The following MMP20 variants were observed in gnomAD, a reference collection of about 807,000 sequenced individuals.
MMP20 encodes matrix metallopeptidase 20.
A neutral mutation model predicts 51.8 loss-of-function variants in MMP20; 50 were observed. That is an observed-to-expected ratio of 0.97 (90% CI 0.77 to 1.22). MMP20 has a LOEUF of 1.22. MMP20 is among the 50% of genes most tolerant of loss of function. The pLI, the probability that MMP20 is intolerant of heterozygous loss-of-function variation, is 0.00. For missense variants in MMP20, 663 were observed against 601.4 expected (o/e 1.10, Z -1.07); for synonymous variants, 244 against 216.2 (o/e 1.13, Z -1.13).
At chr11:102,587,760 A>G (rs761689152) in intron 8 of MMP20, among the ~76,000 whole-genome samples, 2 of 152,132 alleles carry the variant, frequency 1.3e-5, no homozygotes, top group Non-Finnish European at 2.9e-5. Context: ...TAGTATAGCC[A>G]TTCAAGCTTT....
intron 5 of MMP20, among the ~76,000 whole-genome samples, chr11:102,608,384 T>C (rs1711421): frequency 0.41 from 62,954 of 151,976 alleles, 13,394 homozygotes; most frequent in South Asian, 0.59. Context: ...AGGTAACTTA[T>C]CTTAGGATAT....
intron 6 of MMP20, among the ~76,000 whole-genome samples, chr11:102,599,011 T>C (rs573676820): frequency 1.0e-3 from 95 of 94,230 alleles, no homozygotes; most frequent in Non-Finnish European, 1.3e-3. Context: ...CTTTCTTCTA[T>C]CTTTTTTTTT....
chr11:102,601,097 T>A (rs2135937297), intron 6 of MMP20, among the ~76,000 whole-genome samples: 1 of 150,568 alleles, frequency 6.6e-6, no homozygotes, highest in East Asian at 2.0e-4. Flanking sequence ...CATAGCACGT[T>A]GCAAATGACC....
At chr11:102,577,580 G>T (rs1428163559) in intron 9 of MMP20, among the ~76,000 whole-genome samples, 154 bp from the exon 10 acceptor site, 6 of 152,200 alleles carry the variant, frequency 3.9e-5, no homozygotes, top group Non-Finnish European at 8.8e-5. Flanking sequence ...TCATGCCCTA[G>T]AACCTGACTC....
intron 1 of MMP20, among the ~76,000 whole-genome samples, chr11:102,619,890 G>C (rs533671963): frequency 1.6e-4 from 25 of 151,848 alleles, no homozygotes; most frequent in Non-Finnish European, 3.2e-4. Flanking sequence ...TGGTCATATA[G>C]GCAGGATTGA....
chr11:102,598,908 T>C (rs1859413924), intron 6 of MMP20, among the ~76,000 whole-genome samples: 1 of 152,210 alleles, frequency 6.6e-6, no homozygotes. Flanking sequence ...CAGCACAAGC[T>C]GAATGAGTGG....
chr11:102,594,215 C>A (rs1859352502), intron 7 of MMP20, among the ~76,000 whole-genome samples: 1 of 152,230 alleles, frequency 6.6e-6, no homozygotes, highest in African/African-American at 2.4e-5. Context: ...GTCCTCCTCT[C>A]CTGGCTGCTT....
intron 6 of MMP20, 28 bp from the exon 7 acceptor site, chr11:102,594,785 A>T (rs1470013188): frequency 6.2e-7 from 1 of 1,610,704 alleles, no homozygotes; most frequent in South Asian, 1.1e-5. Flanking sequence ...AAAAAAAAAA[A>T]AAAAAATCAA....
chr11:102,585,457 T>C (rs1363332381), intron 8 of MMP20, among the ~76,000 whole-genome samples: 3 of 152,336 alleles, frequency 2.0e-5, no homozygotes, highest in South Asian at 4.1e-4. Flanking sequence ...AATTCATTCC[T>C]TGCAACCTTT....
intron 3 of MMP20, among the ~76,000 whole-genome samples, chr11:102,610,937 G>A (rs980925492): frequency 6.6e-6 from 1 of 152,110 alleles, no homozygotes; most frequent in African/African-American, 2.4e-5. Context: ...GAGAGAGCCA[G>A]ACATTCATTC....
At position 102,577,313 on chromosome 11, in the gene MMP20, T is replaced by C. The variant is rs1859136781; in HGVS notation, c.*13A>G. On this transcript the variant is annotated 3_prime_UTR_variant, in exon 10 of 10. Coordinates refer to ENST00000260228, the MANE Select transcript of MMP20 (RefSeq NM_004771.4). ...AGTCATCCTCATTGCTTGAGAAGAC[T>C]AGGCTTTTCTATTTAGCAACCAATC... is the stretch of plus-strand genomic sequence containing the variant. 1 of 1,576,976 alleles carries C rather than the reference T, an allele frequency of 6.3e-7. No homozygotes were observed. The highest frequency in any genetic ancestry group is 8.7e-7 in the Non-Finnish European group (1 of 1,146,198).
At position 102,606,615 on chromosome 11, in the gene MMP20, G is replaced by A. The variant is rs764556174; in HGVS notation, c.873C>T (p.Ser291=). 1.5e-5 allele frequency: 24 copies of A among 1,613,878 alleles called. No homozygotes were observed. The highest frequency in any genetic ancestry group is 6.6e-5 in the South Asian group (6 of 91,074). The change falls in exon 6 of 10, where the codon TCC becomes TCT. Residue 291 remains serine, a synonymous_variant. Transcript: ENST00000260228. ...AGCTGGAGTCACAGAGGTCAGGGAT[G>A]GATGGCTTGTGATGGGGGGCATGGG... is the stretch of plus-strand genomic sequence containing the variant. ...TLPHAPHHKP[S]IPDLCDSSSS...
intron 8 of MMP20, 69 bp downstream of exon 8, chr11:102,593,366 TGGAA>T: frequency 6.5e-7 from 1 of 1,532,904 alleles, no homozygotes; most frequent in Non-Finnish European, 8.9e-7. Flanking sequence ...CATTCTTTCG[TGGAA>T]GGGTTTTTAT....
rs370708788 is a variant in MMP20 at position 102,593,497 on chromosome 11, C to A, written c.1189G>T (p.Ala397Ser). 2.4e-5 allele frequency: 39 copies of A among 1,614,072 alleles called. No homozygotes were observed. In the African/African-American group the frequency reaches 4.9e-4, roughly 20 times the overall value. The change falls in exon 8 of 10, where the codon GCT becomes TCT. Residue 397 changes from alanine (A) to serine (S), a missense_variant. Transcript: ENST00000260228. ...FPRHVQQIDA[A>S]VYLREPQKTL... is the part of the protein sequence containing the mutation. ...TTCTGTGGCTCCCTGAGGTAGACAG[C>A]AGCATCTATTTGCTGCACGTGCCTT...
intron 3 of MMP20, among the ~76,000 whole-genome samples, chr11:102,610,828 A>C (rs1333644699): frequency 1.3e-5 from 2 of 151,980 alleles, no homozygotes; most frequent in Non-Finnish European, 2.9e-5. Flanking sequence ...AGTGAAATGC[A>C]GTCTACTCAG....
chr11:102,616,861 G>T lies in MMP20; in HGVS notation c.325C>A (p.Arg109Ser). 1 of 1,614,160 alleles carries T rather than the reference G, an allele frequency of 6.2e-7. No individual in the cohort carries two copies. Among genetic ancestry groups the T allele is most frequent in the Non-Finnish European group, 8.5e-7 (1 of 1,180,032 alleles). The change falls in exon 2 of 10, where the codon CGC becomes AGC. Residue 109 changes from arginine (R) to serine (S), a missense_variant. Physicochemically the swap from Arg to Ser is moderately radical, Grantham distance 110 (BLOSUM62 -1). Transcript: ENST00000260228. ...RCGVPDVANY[R>S]LFPGEPKWKK... ...CATTTGGGTTCACCAGGGAAGAGGC[G>T]ATAATTGGCCACATCAGGAACTCCA...
chr11:102,610,644 T>A (rs7129052), intron 3 of MMP20, among the ~76,000 whole-genome samples: 3,109 of 152,290 alleles, frequency 0.02, 115 homozygotes, highest in African/African-American at 0.071. Context: ...TGTTTAATTA[T>A]CTATTTTAAC....
chr11:102,604,927 C>T (rs1262877500), intron 6 of MMP20, among the ~76,000 whole-genome samples: 2 of 152,144 alleles, frequency 1.3e-5, no homozygotes, highest in South Asian at 2.1e-4. Flanking sequence ...CCAGAGAAAA[C>T]GTCAGGAGGG....
At chr11:102,593,403 AATAAAG>A (rs1859340386) in intron 8 of MMP20, 30 bp downstream of exon 8, 1 of 1,596,150 alleles carries the variant, frequency 6.3e-7, no homozygotes, top group African/African-American at 1.3e-5. Context: ...ATTCTCATTA[AATAAAG>A]ATAGATAGTA....
Sources: allele counts gnomAD v4.1 joint callset (sites outside exome capture counted in the v4.1 genomes callset), GRCh38; gene constraint gnomAD v4.1.1; transcripts MANE v1.5; gene names NCBI Gene and HGNC (gene_info 2026-07-23, HGNC 2026-07-21).